Variants in CADPS2 observed in about 807,000 individuals in gnomAD.
CADPS2 encodes the protein calcium-dependent secretion activator 2.
A neutral mutation model predicts 172.5 loss-of-function variants in CADPS2; 93 were observed. The ratio of observed to expected loss-of-function variants is 0.54; its 90% CI spans 0.46 to 0.64. The LOEUF (loss-of-function observed/expected upper bound fraction) is 0.64. CADPS2 is among the 30% of genes least tolerant of loss of function. The pLI is 0.00. For missense variants in CADPS2, 1,420 were observed against 1,565.9 expected, an observed-to-expected ratio of 0.91 and a Z score of 1.57; for synonymous variants, 546 against 555.2, an observed-to-expected ratio of 0.98 and a Z score of 0.23.
At chr7:122,678,003 G>A (rs2082565564) in intron 2 of CADPS2, among the ~76,000 whole-genome samples, 1 of 152,130 alleles carries the variant, frequency 6.6e-6, no homozygotes, top group Non-Finnish European at 1.5e-5. Flanking sequence ...CCACATCATT[G>A]TATGTCTCTC....
chr7:122,712,044 G>C (rs1318247639), intron 2 of CADPS2, among the ~76,000 whole-genome samples: 1 of 151,896 alleles, frequency 6.6e-6, no homozygotes, highest in Non-Finnish European at 1.5e-5. Context: ...AAACACTCTT[G>C]TATCTTTTAA....
intron 25 of CADPS2, among the ~76,000 whole-genome samples, chr7:122,366,042 T>C (rs1462552086): frequency 6.6e-6 from 1 of 151,618 alleles, no homozygotes; most frequent in African/African-American, 2.4e-5. Flanking sequence ...ACATCCCTAG[T>C]ATGGCTGATA....
At chr7:122,713,514 T>C (rs2089104079) in intron 2 of CADPS2, among the ~76,000 whole-genome samples, 1 of 152,110 alleles carries the variant, frequency 6.6e-6, no homozygotes, top group Non-Finnish European at 1.5e-5. Context: ...GCACCCATCA[T>C]ATTTAAATCA....
chr7:122,361,625 C>G (rs1039341522), intron 25 of CADPS2, among the ~76,000 whole-genome samples: 1 of 152,148 alleles, frequency 6.6e-6, no homozygotes, highest in African/African-American at 2.4e-5. Flanking sequence ...CATAAACAAT[C>G]TTAGGTCCAT....
chr7:122,832,599 C>G (rs1199807801), intron 1 of CADPS2, among the ~76,000 whole-genome samples: 1 of 152,184 alleles, frequency 6.6e-6, no homozygotes, highest in African/African-American at 2.4e-5. Flanking sequence ...ACCAGCATAT[C>G]TGTGGGAGTG....
chr7:122,415,884 G>A (rs1278997728), intron 18 of CADPS2, among the ~76,000 whole-genome samples, 177 bp downstream of exon 18: 2 of 152,240 alleles, frequency 1.3e-5, no homozygotes, highest in Admixed American at 1.3e-4. Context: ...ATGTTCTCAT[G>A]TGTGAATGTG....
At chr7:122,405,854 A>G (rs2046578151) in intron 20 of CADPS2, among the ~76,000 whole-genome samples, 1 of 152,190 alleles carries the variant, frequency 6.6e-6, no homozygotes, top group East Asian at 1.9e-4. Flanking sequence ...GACTAACAAA[A>G]TCTACAGTAT....
chr7:122,635,319 G>A (rs1299645183), intron 3 of CADPS2, among the ~76,000 whole-genome samples: 1 of 151,406 alleles, frequency 6.6e-6, no homozygotes, highest in Non-Finnish European at 1.5e-5. Flanking sequence ...TAGGGTACAT[G>A]TGCACAATGT....
chr7:122,884,413 G>A (rs1283592499), intron 1 of CADPS2, among the ~76,000 whole-genome samples: 1 of 152,094 alleles, frequency 6.6e-6, no homozygotes, highest in East Asian at 1.9e-4. Flanking sequence ...AAACACCGCG[G>A]GGCATTCAAA....
chr7:122,500,036 G>T (rs750466165), intron 9 of CADPS2, among the ~76,000 whole-genome samples: 3 of 152,078 alleles, frequency 2.0e-5, no homozygotes, highest in Non-Finnish European at 4.4e-5. Context: ...TATAGCTACC[G>T]CTGTGTAAAG....
rs913359169 is a variant in CADPS2 at position 122,379,565 on chromosome 7, C to A, written c.3313-123G>T. On this transcript the variant is annotated intron_variant, in intron 24 of 29. Coordinates refer to ENST00000449022, the MANE Select transcript of CADPS2 (RefSeq NM_017954.11). ...ATTTATTTAAAATGATCATTTAGAA[C>A]ATTAAAAGAACAAAACCTTGAAAAT... 1.3e-5 allele frequency: 9 copies of A among 682,286 alleles called. 1 individual carries two copies. Among genetic ancestry groups the A allele is most frequent in the Non-Finnish European group, 2.4e-5 (9 of 382,880 alleles). 42.3% of individuals were successfully genotyped at this position (682,286 alleles called of 1,614,324 possible). A position where few individuals can be genotyped will look rare whatever the true frequency, so the allele number is the denominator to read the frequency against.
chr7:122,507,094 C>T (rs951592123), intron 9 of CADPS2, among the ~76,000 whole-genome samples: 6 of 152,008 alleles, frequency 3.9e-5, no homozygotes, highest in South Asian at 2.1e-4. Flanking sequence ...TAATAATAAA[C>T]ATATAAATGT....
intron 1 of CADPS2, among the ~76,000 whole-genome samples, chr7:122,834,065 A>G (rs1286473412): frequency 1.3e-5 from 2 of 152,198 alleles, no homozygotes; most frequent in Non-Finnish European, 2.9e-5. Context: ...AACTTAAAAA[A>G]CAGGTTTGGT....
At chr7:122,789,351 T>C (rs1390032571) in intron 1 of CADPS2, among the ~76,000 whole-genome samples, 1 of 152,166 alleles carries the variant, frequency 6.6e-6, no homozygotes, top group Non-Finnish European at 1.5e-5. Context: ...GGATTGGCCT[T>C]TAACTGGTTC....
chr7:122,515,645 A>T (rs1018920455), intron 8 of CADPS2, among the ~76,000 whole-genome samples: 3 of 152,102 alleles, frequency 2.0e-5, no homozygotes, highest in Non-Finnish European at 4.4e-5. Flanking sequence ...ACTGGGTCAT[A>T]TACAAGTGAA....
At chr7:122,831,192 A>G (rs975289103) in intron 1 of CADPS2, among the ~76,000 whole-genome samples, 1 of 151,952 alleles carries the variant, frequency 6.6e-6, no homozygotes, top group Admixed American at 6.6e-5. Flanking sequence ...TTATTATTCA[A>G]CTCCTGTCCT....
intron 7 of CADPS2, among the ~76,000 whole-genome samples, chr7:122,575,807 A>G (rs2067964388): frequency 6.6e-6 from 1 of 152,176 alleles, no homozygotes; most frequent in African/African-American, 2.4e-5. Context: ...TTTTTATTAT[A>G]AATGTTTATA....
intron 17 of CADPS2, among the ~76,000 whole-genome samples, chr7:122,436,951 G>GT (rs998991773): frequency 6.6e-5 from 10 of 152,104 alleles, no homozygotes; most frequent in Admixed American, 6.5e-5. Flanking sequence ...ATTCTTACAG[G>GT]TTTTTTTGGG....
intron 1 of CADPS2, among the ~76,000 whole-genome samples, chr7:122,877,988 A>G (rs948105734): frequency 1.3e-5 from 2 of 149,098 alleles, no homozygotes; most frequent in Non-Finnish European, 3.0e-5. Context: ...ACGCTATACT[A>G]CTGCACTATT....
Sources: allele counts gnomAD v4.1 joint callset (sites outside exome capture counted in the v4.1 genomes callset), GRCh38; gene constraint gnomAD v4.1.1; transcripts MANE v1.5; gene names NCBI Gene and HGNC (gene_info 2026-07-23, HGNC 2026-07-21).